SEPTIN6: variants seen among roughly 807,000 people sequenced by gnomAD.
SEPTIN6 encodes the protein septin 6.
In SEPTIN6, 8 loss-of-function variants were observed where a neutral mutation model predicts 33.6. The observed-to-expected ratio is 0.24, with a 90% CI of 0.14 to 0.43. The LOEUF (loss-of-function observed/expected upper bound fraction) is 0.43. SEPTIN6 is among the 20% of genes least tolerant of loss of function. The pLI is 1.00. For missense variants in SEPTIN6, 250 were observed against 340.8 expected (o/e 0.73, Z 2.10); for synonymous variants, 131 against 140.0 (o/e 0.94, Z 0.45).
At chrX:119,646,772 G>A in intron 5 of SEPTIN6, 1 of 307,723 alleles carries the variant, frequency 3.2e-6, no homozygotes, top group Non-Finnish European at 7.0e-6. Context: ...GGCTGAGGCT[G>A]TGGGGCTGGA....
At chrX:119,631,676 C>T (rs1003155494) in intron 8 of SEPTIN6, among the ~76,000 whole-genome samples, 2 of 109,082 alleles carry the variant, frequency 1.8e-5, no homozygotes, top group Admixed American at 2.0e-4. Flanking sequence ...CTCGATCTCT[C>T]GGCTGAAGCA....
At chrX:119,620,123 G>A in intron 10 of SEPTIN6, 72 bp from the exon 11 acceptor site, 4 of 873,556 alleles carry the variant, frequency 4.6e-6, no homozygotes, top group Non-Finnish European at 6.6e-6. Context: ...AAAGTCAGAA[G>A]AAAATTAAGT....
chrX:119,676,223 A>C (rs1016411950), intron 1 of SEPTIN6, among the ~76,000 whole-genome samples: 3 of 111,833 alleles, frequency 2.7e-5, no homozygotes, highest in African/African-American at 9.8e-5. Context: ...GCACTTTGGG[A>C]GGCCAAGGCG....
chrX:119,616,186 T>C, downstream of SEPTIN6: 1 of 256,840 alleles, frequency 3.9e-6, no homozygotes, highest in Non-Finnish European at 7.1e-6. Flanking sequence ...AGATAGTGGA[T>C]ACATTTTCCC....
intron 2 of SEPTIN6, among the ~76,000 whole-genome samples, chrX:119,671,422 G>A (rs912782535): frequency 1.2e-4 from 13 of 108,709 alleles, no homozygotes; most frequent in Middle Eastern, 4.7e-3. Context: ...TGAGTAGCTG[G>A]GACTACAGGC....
chrX:119,629,492 T>C lies in SEPTIN6; in HGVS notation c.1106A>G (p.Asp369Gly). 1 of 1,210,642 alleles carries C rather than the reference T, an allele frequency of 8.3e-7. No homozygotes were observed. The highest frequency in any genetic ancestry group is 1.1e-6 in the Non-Finnish European group (1 of 894,932). ...EAEKELHEKF[D>G]RLKKLHQDEK... is the part of the protein sequence containing the mutation. ...GTCCTGGTGCAGTTTCTTCAGACGG[T>C]CAAACTTCTCGTGCAGCTGGCAGGG... The change falls in exon 9 of 11, where the codon GAC (aspartate) becomes GGC (glycine). Residue 369 changes from aspartate (D) to glycine (G), a missense_variant. This residue lies in a region of SEPTIN6 where 139 missense variants were observed against 227.0 expected (regional missense o/e 0.61). Coordinates refer to ENST00000394610, the MANE Select transcript of SEPTIN6 (RefSeq NM_145799.4).
chrX:119,674,603 C>G (rs932587337), intron 2 of SEPTIN6, among the ~76,000 whole-genome samples: 3 of 111,554 alleles, frequency 2.7e-5, no homozygotes, highest in African/African-American at 9.8e-5. Flanking sequence ...GGGGGAGGAA[C>G]AAGGGGTCAA....
At position 119,617,031 on chromosome X, in the gene SEPTIN6, A is replaced by AC; in HGVS notation, c.*3061_*3062insG. The AC allele has an allele frequency of 3.3e-6, 3 of 916,977 alleles. No homozygotes were observed. Among genetic ancestry groups the AC allele is most frequent in the Non-Finnish European group, 4.1e-6 (3 of 735,918 alleles). 75.6% of individuals were successfully genotyped at this position (916,977 alleles called of 1,213,427 possible). ...ATGATTAAAACAAAAAAACAAAAAC[A>AC]AGAGCCATCTACACTGCAGCTAGGG... On this transcript the variant is annotated 3_prime_UTR_variant, in exon 11 of 11. Coordinates refer to ENST00000394610, the MANE Select transcript of SEPTIN6 (RefSeq NM_145799.4).
At chrX:119,691,793 T>C (rs1371938607) in intron 1 of SEPTIN6, among the ~76,000 whole-genome samples, 1 of 112,452 alleles carries the variant, frequency 8.9e-6, no homozygotes, top group Non-Finnish European at 1.9e-5. Context: ...TGAACTATTT[T>C]CCTAAATAAG....
At chrX:119,621,780 T>C (rs754513866) in intron 10 of SEPTIN6, among the ~76,000 whole-genome samples, 22 of 96,836 alleles carry the variant, frequency 2.3e-4, no homozygotes, top group African/African-American at 8.4e-4. Context: ...GCGTGAGCCA[T>C]CATGCCCAGC....
At position 119,624,157 on chromosome X, in the gene SEPTIN6, GTT is replaced by G. The variant is rs66945031; in HGVS notation, c.*41+1176_*41+1177del. The G allele has an allele frequency of 4.0e-3, 830 of 205,299 alleles. 11 individuals carry two copies. Among genetic ancestry groups the G allele is most frequent in the African/African-American group, 0.025 (754 of 29,613 alleles). 16.9% of individuals were successfully genotyped at this position (205,299 alleles called of 1,213,427 possible). A position where few individuals can be genotyped will look rare whatever the true frequency, so the allele number is the denominator to read the frequency against. ...CTTTTATTATGGGTTTTTTTTTTTTGTTTTTTTTTTTGTTTGTTTGTTTGTTT... is the reference window on the plus strand; with the variant it reads ...CTTTTATTATGGGTTTTTTTTTTTTGTTTTTTTTTGTTTGTTTGTTTGTTT... On this transcript the variant is annotated intron_variant, in intron 10 of 10. Coordinates refer to ENST00000394610, the MANE Select transcript of SEPTIN6 (RefSeq NM_145799.4).
intron 1 of SEPTIN6, 73 bp downstream of exon 1, chrX:119,693,003 C>A (rs1227868613): frequency 2.8e-6 from 3 of 1,058,895 alleles, no homozygotes; most frequent in Admixed American, 2.6e-5. Context: ...CGCGATGTGG[C>A]GGCGGCGGCC....
intron 2 of SEPTIN6, among the ~76,000 whole-genome samples, chrX:119,670,469 G>A (rs761197598): frequency 4.8e-5 from 5 of 105,072 alleles, no homozygotes; most frequent in Non-Finnish European, 9.7e-5. Flanking sequence ...GCTGAAGCAT[G>A]AGAATCACTT....
intron 1 of SEPTIN6, among the ~76,000 whole-genome samples, chrX:119,676,289 CCT>C (rs1416682581): frequency 9.3e-6 from 1 of 107,604 alleles, no homozygotes; most frequent in Non-Finnish European, 1.9e-5. Context: ...GTGGCGAAAC[CCT>C]GTCTCTACCA....
At chrX:119,626,966 C>G (rs544238002) in intron 9 of SEPTIN6, among the ~76,000 whole-genome samples, 1 of 111,694 alleles carries the variant, frequency 9.0e-6, no homozygotes, top group Non-Finnish European at 1.9e-5. Flanking sequence ...GGATTACAGG[C>G]GTGAGCCACC....
intron 10 of SEPTIN6, among the ~76,000 whole-genome samples, chrX:119,623,866 A>C (rs1447618675): frequency 9.0e-6 from 1 of 111,442 alleles, no homozygotes; most frequent in Non-Finnish European, 1.9e-5. Flanking sequence ...AACAAAAAAA[A>C]CCCTAATTAT....
chrX:119,647,027 A>G (rs1363028934), intron 5 of SEPTIN6, among the ~76,000 whole-genome samples: 2 of 110,713 alleles, frequency 1.8e-5, no homozygotes, highest in Non-Finnish European at 3.8e-5. Flanking sequence ...ATTCAGGCAC[A>G]CTAGCTGTGA....
chrX:119,673,830 A>G (rs1477397064), intron 2 of SEPTIN6, among the ~76,000 whole-genome samples: 2 of 91,920 alleles, frequency 2.2e-5, no homozygotes, highest in African/African-American at 8.2e-5. Context: ...TGACAGCACA[A>G]GACTCTGTCT....
chrX:119,631,327 C>T (rs1000601436), intron 8 of SEPTIN6, among the ~76,000 whole-genome samples: 5 of 109,194 alleles, frequency 4.6e-5, no homozygotes, highest in Non-Finnish European at 9.5e-5. Context: ...ACTACAGGCA[C>T]GTGCTACCAC....
Sources: allele counts gnomAD v4.1 joint callset (sites outside exome capture counted in the v4.1 genomes callset), GRCh38; gene constraint gnomAD v4.1.1; regional missense constraint gnomAD v4.1.1; transcripts MANE v1.5; gene names NCBI Gene and HGNC (gene_info 2026-07-23, HGNC 2026-07-21).